Variants in ARHGAP15 observed in about 807,000 individuals in gnomAD.
ARHGAP15 encodes Rho GTPase activating protein 15.
ARHGAP15 carries 51 observed loss-of-function variants against 63.7 expected under a neutral mutation model. That is an observed-to-expected ratio of 0.80 (90% confidence interval 0.64 to 1.01). The LOEUF (loss-of-function observed/expected upper bound fraction) is 1.01, where lower values mean the gene tolerates loss of function less well. Among genes scored for constraint, ARHGAP15 ranks in the 50% least tolerant of loss-of-function variants. The probability of loss-of-function intolerance (pLI) is 0.00; values close to 1 mark genes in which losing one functional copy is unlikely to be tolerated. For missense variants in ARHGAP15, 560 were observed against 564.6 expected (o/e 0.99, Z 0.08); for synonymous variants, 191 against 193.8 (o/e 0.99, Z 0.12).
chr2:143,654,172 G>GA (rs1246107586), intron 12 of ARHGAP15, among the ~76,000 whole-genome samples: 1 of 152,128 alleles, frequency 6.6e-6, no homozygotes, highest in Non-Finnish European at 1.5e-5. Flanking sequence ...GGGATTGAGA[G>GA]AAAAATACAG....
rs1044721986 is a variant in ARHGAP15, at chr2:143,537,003, G to C, written c.925+17639G>C. 2.0e-5 allele frequency among the ~76,000 whole-genome samples: 3 copies of C among 152,072 alleles called. No homozygotes were observed. The East Asian group carries it at 5.8e-4, about 29-fold the overall frequency. On this transcript the variant is annotated intron_variant, in intron 10 of 13. Transcript: ENST00000295095. ...ACAGTCCCACCAACAGTGTAAAAGTGTTCCTATTTCTCCACATCCTCTCCA... is the reference window on the plus strand; with the variant it reads ...ACAGTCCCACCAACAGTGTAAAAGTCTTCCTATTTCTCCACATCCTCTCCA...
At chr2:143,632,157 T>C (rs1476538713) in intron 12 of ARHGAP15, among the ~76,000 whole-genome samples, 1 of 152,084 alleles carries the variant, frequency 6.6e-6, no homozygotes, top group African/African-American at 2.4e-5. Flanking sequence ...AAGTTGCCTT[T>C]TGTGTACAAA....
rs548519719 is a variant in ARHGAP15, at chr2:143,253,951, A to G, written c.474+3351A>G. Reference sequence around the variant, plus strand: ...GCTGCTAACTTTTGTTTAATTCTGCATTTATGTTCATTGTCAAGGACTGTC... The same window carrying G: ...GCTGCTAACTTTTGTTTAATTCTGCGTTTATGTTCATTGTCAAGGACTGTC... On this transcript the variant is annotated intron_variant, in intron 6 of 13. Transcript: ENST00000295095. Among the ~76,000 whole-genome samples, 3 of 152,192 alleles carry G rather than the reference A, an allele frequency of 2.0e-5. No homozygotes were observed. The South Asian group carries it at 6.2e-4, about 32-fold the overall frequency.
At chr2:143,424,933 G>A (rs1347096761) in intron 6 of ARHGAP15, among the ~76,000 whole-genome samples, 1 of 152,110 alleles carries the variant, frequency 6.6e-6, no homozygotes, top group Non-Finnish European at 1.5e-5. Flanking sequence ...TCAGTATTGT[G>A]TGTGTTGGCT....
intron 6 of ARHGAP15, among the ~76,000 whole-genome samples, chr2:143,258,857 C>T (rs536958180): frequency 1.6e-4 from 24 of 152,026 alleles, no homozygotes; most frequent in Non-Finnish European, 1.9e-4. Context: ...ATTGCATTTC[C>T]GGCACTGGGA....
intron 13 of ARHGAP15, among the ~76,000 whole-genome samples, chr2:143,747,072 G>A (rs937260084): frequency 6.6e-6 from 1 of 151,940 alleles, no homozygotes; most frequent in Non-Finnish European, 1.5e-5. Flanking sequence ...CACCACTGGG[G>A]CCTGTCAGGG....
intron 11 of ARHGAP15, chr2:143,606,730 G>GTACAC (rs1384965320): frequency 1.3e-5 from 2 of 152,160 alleles, no homozygotes; most frequent in African/African-American, 4.8e-5. Context: ...ACTAAAAGGT[G>GTACAC]TACACTTTCC....
intron 3 of ARHGAP15, among the ~76,000 whole-genome samples, chr2:143,208,098 A>T (rs1275867184): frequency 6.6e-6 from 1 of 152,186 alleles, no homozygotes; most frequent in East Asian, 1.9e-4. Flanking sequence ...AATACTTCTG[A>T]GAATTAATGA....
intron 6 of ARHGAP15, among the ~76,000 whole-genome samples, chr2:143,271,561 C>T (rs1288619715): frequency 6.6e-6 from 1 of 152,200 alleles, no homozygotes; most frequent in Non-Finnish European, 1.5e-5. Flanking sequence ...CTGCAAGCTC[C>T]GCTTCCCGGG....
chr2:143,605,049 C>T lies in ARHGAP15; in HGVS notation c.1004-19084C>T, dbSNP rs368920991. ...TCAGCCTCCTGAGTAGCTAGGATTACAGATATGCACCACCATGCCTGGCTA... is the reference window on the plus strand; with the variant it reads ...TCAGCCTCCTGAGTAGCTAGGATTATAGATATGCACCACCATGCCTGGCTA... On this transcript the variant is annotated intron_variant, in intron 11 of 13. Coordinates refer to ENST00000295095, the MANE Select transcript of ARHGAP15 (RefSeq NM_018460.4). Among the ~76,000 whole-genome samples, 34 of 152,222 alleles carry T rather than the reference C, an allele frequency of 2.2e-4. 1 individual carries two copies. The highest frequency in any genetic ancestry group is 8.2e-4 in the African/African-American group (34 of 41,530).
intron 12 of ARHGAP15, among the ~76,000 whole-genome samples, chr2:143,667,098 C>T (rs561671072): frequency 5.1e-4 from 77 of 151,258 alleles, no homozygotes; most frequent in African/African-American, 1.9e-3. Context: ...ATGAATCATG[C>T]TGCTATAAAG....
intron 12 of ARHGAP15, among the ~76,000 whole-genome samples, chr2:143,662,505 T>A (rs1346268203): frequency 2.8e-5 from 4 of 143,190 alleles, no homozygotes; most frequent in Non-Finnish European, 6.2e-5. Context: ...AAACGCAGAG[T>A]GCCTCTCCTC....
intron 10 of ARHGAP15, among the ~76,000 whole-genome samples, chr2:143,521,600 C>T (rs1694063900): frequency 6.6e-6 from 1 of 152,088 alleles, no homozygotes; most frequent in Non-Finnish European, 1.5e-5. Context: ...ATCCCTCCTT[C>T]TAATGGCCAG....
At chr2:143,152,285 T>C (rs754497919) in intron 1 of ARHGAP15, among the ~76,000 whole-genome samples, 2 of 152,034 alleles carry the variant, frequency 1.3e-5, no homozygotes, top group Non-Finnish European at 2.9e-5. Context: ...CATATGTCAA[T>C]ACCTACCTTA....
chr2:143,263,642 T>G (rs1680846937), intron 6 of ARHGAP15, among the ~76,000 whole-genome samples: 1 of 152,214 alleles, frequency 6.6e-6, no homozygotes, highest in Non-Finnish European at 1.5e-5. Context: ...CTGGTAGATG[T>G]AGACAAGGAT....
intron 8 of ARHGAP15, among the ~76,000 whole-genome samples, chr2:143,468,022 ACCTTTGCTTCCTTAAAG>A (rs1691315415): frequency 1.3e-5 from 2 of 152,118 alleles, no homozygotes; most frequent in African/African-American, 4.8e-5. Context: ...TGTTTATTAG[ACCTTTGCTTCCTTAAAG>A]CTGGAAAACA....
Position 143,461,542 on chromosome 2 carries a change from C to T in ARHGAP15, c.703+24500C>T, listed in dbSNP as rs139845045. Among the ~76,000 whole-genome samples the T allele has an allele frequency of 3.1e-3, 465 of 152,118 alleles. 4 individuals are homozygous for T. The highest frequency in any genetic ancestry group is 5.2e-3 in the Admixed American group (79 of 15,266). The stretch of plus-strand genomic sequence containing the variant: ...ACACTAGAGGATTTTAGCTTCACCA[C>T]CATTCGAGAAAATTGGTTTTACTCC... On this transcript the variant is annotated intron_variant, in intron 8 of 13. Coordinates refer to ENST00000295095, the MANE Select transcript of ARHGAP15 (RefSeq NM_018460.4).
intron 6 of ARHGAP15, among the ~76,000 whole-genome samples, chr2:143,392,321 C>T (rs1449629101): frequency 1.3e-5 from 2 of 152,044 alleles, no homozygotes; most frequent in African/African-American, 2.4e-5. Flanking sequence ...AAATATTATC[C>T]TGCCAAGTCT....
intron 6 of ARHGAP15, among the ~76,000 whole-genome samples, chr2:143,329,738 TATACAC>T (rs1574284679): frequency 1.3e-5 from 2 of 152,116 alleles, no homozygotes; most frequent in East Asian, 3.8e-4. Flanking sequence ...GTAGAAATTA[TATACAC>T]ATACACATGT....
Sources: gnomAD v4.1 joint callset for allele counts (sites outside exome capture counted in the v4.1 genomes callset) on GRCh38, gnomAD v4.1.1 for gene constraint, MANE v1.5 for transcripts, NCBI Gene and HGNC (gene_info 2026-07-23, HGNC 2026-07-21) for gene names.